EDEM1: variants seen among roughly 807,000 people sequenced by gnomAD.
The protein encoded by EDEM1 is ER degradation-enhancing alpha-mannosidase-like protein 1.
A neutral mutation model predicts 74.4 loss-of-function variants in EDEM1; 67 were observed. The ratio of observed to expected loss-of-function variants is 0.90; its 90% CI spans 0.74 to 1.10. The LOEUF (loss-of-function observed/expected upper bound fraction) is 1.10, where lower values mean the gene tolerates loss of function less well. Ranked by LOEUF, EDEM1 falls within the 50% of genes least tolerant of loss-of-function variation. The pLI is 0.00. For synonymous variants in EDEM1, 382 were observed against 335.9 expected, an observed-to-expected ratio of 1.14 and a Z score of -1.50; for missense variants, 926 against 851.6, an observed-to-expected ratio of 1.09 and a Z score of -1.09.
In EDEM1 at chr3:5,196,483, C is replaced by CACACACACAA. The variant is rs1384739421; in HGVS notation, c.582+1203_582+1204insCACACACAAA. ...GGAGACACACACACACACACACACA[C>CACACACACAA]AAGAATTGGGTAATGTGCTAGCCAA... On this transcript the variant is annotated intron_variant, in intron 2 of 11. Coordinates refer to ENST00000256497, the MANE Select transcript of EDEM1 (RefSeq NM_014674.3). Among the ~76,000 whole-genome samples the CACACACACAA allele has an allele frequency of 1.0e-3, 155 of 151,698 alleles. 1 individual carries two copies. The highest frequency in any genetic ancestry group is 3.6e-3 in the African/African-American group (151 of 41,386).
intron 8 of EDEM1, 60 bp downstream of exon 8, chr3:5,208,323 A>C: frequency 6.4e-7 from 1 of 1,559,026 alleles, no homozygotes. Flanking sequence ...CCAGCAGTTC[A>C]TTCTTAATGA....
intron 3 of EDEM1, among the ~76,000 whole-genome samples, 162 bp from the exon 4 acceptor site, chr3:5,201,591 T>C (rs1232791611): frequency 6.6e-6 from 1 of 152,240 alleles, no homozygotes; most frequent in Non-Finnish European, 1.5e-5. Context: ...CGTGTATTCT[T>C]AGAGCTAGAA....
At chr3:5,200,295 C>T (rs1415571179) in intron 3 of EDEM1, among the ~76,000 whole-genome samples, 2 of 152,132 alleles carry the variant, frequency 1.3e-5, no homozygotes, top group African/African-American at 2.4e-5. Flanking sequence ...CATGGTTTCC[C>T]TTTATAGTCT....
chr3:5,212,508 G>A (rs1354487433), intron 10 of EDEM1, among the ~76,000 whole-genome samples: 1 of 152,242 alleles, frequency 6.6e-6, no homozygotes, highest in East Asian at 1.9e-4. Flanking sequence ...TGTGCTAGCT[G>A]AAAGAACCTA....
At chr3:5,190,002 G>GT (rs11404596) in intron 1 of EDEM1, among the ~76,000 whole-genome samples, 110,692 of 150,864 alleles carry the variant, frequency 0.73, 43,995 homozygotes, top group Middle Eastern at 0.87. Context: ...TTTTTTTTGG[G>GT]GGGGGGGATA....
intron 9 of EDEM1, among the ~76,000 whole-genome samples, chr3:5,210,866 T>C (rs2055159244): frequency 6.6e-6 from 1 of 152,214 alleles, no homozygotes; most frequent in Non-Finnish European, 1.5e-5. Flanking sequence ...TGCCACGTTA[T>C]GCTTCTGGCC....
chr3:5,215,977 C>A lies in EDEM1; in HGVS notation c.*59C>A. 1 of 1,430,136 alleles carries A rather than the reference C, an allele frequency of 7.0e-7. No individual in the cohort carries two copies. The highest frequency in any genetic ancestry group is 9.7e-7 in the Non-Finnish European group (1 of 1,029,500). The allele number at this position is 1,430,136 out of a possible 1,614,324, so 88.6% of individuals were successfully genotyped here. On this transcript the variant is annotated 3_prime_UTR_variant, in exon 12 of 12. Transcript: ENST00000256497. The stretch of plus-strand genomic sequence containing the variant: ...CCTTAACGACCAAACCCAGACCATG[C>A]CAAAGTCCAGTCTGAAATGAAAGGG...
intron 9 of EDEM1, among the ~76,000 whole-genome samples, chr3:5,210,584 T>G (rs528319869): frequency 1.2e-3 from 187 of 152,286 alleles, no homozygotes; most frequent in Non-Finnish European, 2.0e-3. Context: ...GAGAAAACTG[T>G]AGTCAGTATT....
intron 1 of EDEM1, 44 bp downstream of exon 1, chr3:5,188,358 C>T (rs760880542): frequency 2.2e-6 from 3 of 1,369,348 alleles, no homozygotes; most frequent in Admixed American, 4.0e-5. Context: ...CACGCGCTTC[C>T]TTCCGCCCTC....
At position 5,190,725 on chromosome 3, in the gene EDEM1, C is replaced by T. The variant is rs180704497; in HGVS notation, c.509+2411C>T. On this transcript the variant is annotated intron_variant, in intron 1 of 11. Coordinates refer to ENST00000256497, the MANE Select transcript of EDEM1 (RefSeq NM_014674.3). ...GGTTGTGCCCTGAGCTGGGTAGGCC[C>T]GTTGGTTGGTAAACCTTTGTTGTCT... 8.9e-4 allele frequency among the ~76,000 whole-genome samples: 135 copies of T among 152,188 alleles called. 1 individual carries two copies. The highest frequency in any genetic ancestry group is 3.2e-3 in the African/African-American group (133 of 41,512).
rs1445163948 is a variant in EDEM1 at position 5,189,729 on chromosome 3, T to C, written c.509+1415T>C. 5 of 152,368 alleles carry C rather than the reference T, an allele frequency of 3.3e-5. No individual in the cohort carries two copies. In the East Asian group the frequency reaches 9.7e-4, roughly 29 times the overall value. The allele number at this position is 152,368 out of a possible 1,614,324, so 9.4% of individuals were successfully genotyped here. A position where few individuals can be genotyped will look rare whatever the true frequency, so the allele number is the denominator to read the frequency against. ...GATTCTCCTGCCTCAGCCTCCCGAG[T>C]AGCTGGGACTACAGACTCGTGCCAC... On this transcript the variant is annotated intron_variant, in intron 1 of 11. Coordinates refer to ENST00000256497, the MANE Select transcript of EDEM1 (RefSeq NM_014674.3).
chr3:5,214,946 C>A (rs940036878), intron 11 of EDEM1, among the ~76,000 whole-genome samples: 1 of 152,072 alleles, frequency 6.6e-6, no homozygotes, highest in African/African-American at 2.4e-5. Flanking sequence ...GGAGTAATCT[C>A]CAGAGAAAAT....
At chr3:5,194,381 G>A (rs977287197) in intron 1 of EDEM1, among the ~76,000 whole-genome samples, 17 of 152,100 alleles carry the variant, frequency 1.1e-4, no homozygotes, top group Admixed American at 3.9e-4. Context: ...TATTTTACTA[G>A]TTCTTCATCC....
intron 1 of EDEM1, among the ~76,000 whole-genome samples, chr3:5,191,438 GC>G (rs1009884218): frequency 2.0e-5 from 3 of 148,858 alleles, no homozygotes; most frequent in Admixed American, 6.7e-5. Context: ...TTACTTTGTT[GC>G]CCAGGATGGT....
chr3:5,203,134 GAT>G lies in EDEM1; in HGVS notation c.1029_1030del (p.Thr344ArgfsTer30). The G allele has an allele frequency of 6.3e-7, 1 of 1,587,056 alleles. No individual in the cohort carries two copies. The highest frequency in any genetic ancestry group is 1.2e-5 in the South Asian group (1 of 86,450). Reference protein sequence around the residue: ...VKALWNLRSNDTGLLGNVVNI... With the variant: ...VKALWNLRSNXTGLLGNVVNI... Reference sequence around the variant, plus strand: ...AGCCCTTTGGAACCTCCGGAGCAATGATACAGGATTACTAGGTGTGGCACCTT... The same window carrying G: ...AGCCCTTTGGAACCTCCGGAGCAATGACAGGATTACTAGGTGTGGCACCTT... On this transcript the variant is annotated frameshift_variant, in exon 5 of 12. Transcript: ENST00000256497. LOFTEE classifies it high-confidence loss of function.
intron 1 of EDEM1, among the ~76,000 whole-genome samples, chr3:5,188,752 C>A (rs763766150): frequency 1.3e-5 from 2 of 152,218 alleles, no homozygotes; most frequent in African/African-American, 4.8e-5. Context: ...CTCGCACCCC[C>A]ACCTCTATCA....
intron 3 of EDEM1, among the ~76,000 whole-genome samples, chr3:5,200,696 T>C (rs1214607611): frequency 1.3e-5 from 2 of 152,168 alleles, no homozygotes; most frequent in African/African-American, 2.4e-5. Context: ...AATGGGACTT[T>C]ATGGGTCTAC....
chr3:5,188,015 G>A lies in EDEM1; in HGVS notation c.210G>A (p.Ser70=). Residue 70 remains serine, a synonymous_variant, in exon 1 of 12, where the codon TCG becomes TCA. Transcript: ENST00000256497. The part of the protein sequence containing the change: ...VGRPGGVSGP[S]WLQPPGTGAA... ...GGCCTGGGGGGGTATCCGGGCCGTC[G>A]TGGCTGCAGCCGCCGGGGACCGGGG... 1 of 1,474,762 alleles carries A rather than the reference G, an allele frequency of 6.8e-7. No individual in the cohort carries two copies. The highest frequency in any genetic ancestry group is 1.5e-5 in the African/African-American group (1 of 67,542). The allele number at this position is 1,474,762 out of a possible 1,614,324, so 91.4% of individuals were successfully genotyped here.
chr3:5,208,351 T>G (rs1163523770), intron 8 of EDEM1, 88 bp downstream of exon 8: 5 of 1,485,004 alleles, frequency 3.4e-6, no homozygotes, highest in Non-Finnish European at 4.6e-6. Flanking sequence ...CTGAGTGATT[T>G]AGGGTTATGT....
Sources: gnomAD v4.1 joint callset for allele counts (sites outside exome capture counted in the v4.1 genomes callset) on GRCh38, gnomAD v4.1.1 for gene constraint, MANE v1.5 for transcripts, NCBI Gene and HGNC (gene_info 2026-07-23, HGNC 2026-07-21) for gene names.